SPMIP3: variants seen among roughly 807,000 people sequenced by gnomAD.
The protein encoded by SPMIP3 is sperm microtubule inner protein 3.
chr1:244,370,329 A>T, the SPMIP3 span, among the ~76,000 whole-genome samples: 7 of 152,236 alleles, frequency 4.6e-5, no homozygotes, highest in Admixed American at 2.6e-4. Context: ...ATGAGGGCAC[A>T]GGTCTGGAGG....
At chr1:244,376,911 C>T in the SPMIP3 span, among the ~76,000 whole-genome samples, 4 of 151,736 alleles carry the variant, frequency 2.6e-5, no homozygotes, top group Admixed American at 6.6e-5. Flanking sequence ...TTGGGTTCAG[C>T]GATTCTCCTG....
the SPMIP3 span, among the ~76,000 whole-genome samples, chr1:244,386,145 T>A: frequency 2.6e-5 from 4 of 152,126 alleles, no homozygotes; most frequent in Admixed American, 2.6e-4. Context: ...ACCACTGCAC[T>A]CCAGCCTGGG....
chr1:244,364,866 G>A, the SPMIP3 span: 1 of 1,130,388 alleles, frequency 8.8e-7, no homozygotes, highest in East Asian at 2.4e-5. Context: ...CTACTGCCAG[G>A]GAGTTCTAGG....
the SPMIP3 span, among the ~76,000 whole-genome samples, chr1:244,359,248 T>C: frequency 6.6e-6 from 1 of 151,818 alleles, no homozygotes; most frequent in Non-Finnish European, 1.5e-5. Context: ...TGTAGGAGCA[T>C]AGACTTGGAC....
the SPMIP3 span, among the ~76,000 whole-genome samples, chr1:244,357,783 G>A: frequency 2.9e-4 from 43 of 150,780 alleles, no homozygotes; most frequent in African/African-American, 9.0e-4. Context: ...GAGAAACAAC[G>A]AATATAAAAT....
chr1:244,389,276 C>T, the SPMIP3 span: 2 of 404,934 alleles, frequency 4.9e-6, no homozygotes, highest in African/African-American at 4.1e-5. Context: ...TGAATTTAAG[C>T]CCCACTCCCA....
the SPMIP3 span, among the ~76,000 whole-genome samples, chr1:244,357,234 C>G: frequency 4.6e-5 from 3 of 64,580 alleles, no homozygotes; most frequent in Non-Finnish European, 1.3e-4. Flanking sequence ...GAGATTGAAA[C>G]AAATATAAAC....
At chr1:244,366,911 T>C in the SPMIP3 span, among the ~76,000 whole-genome samples, 2 of 151,400 alleles carry the variant, frequency 1.3e-5, no homozygotes, top group African/African-American at 2.4e-5. Flanking sequence ...ACTAAACAGA[T>C]AGAATAATTG....
the SPMIP3 span, among the ~76,000 whole-genome samples, chr1:244,383,029 TA>T: frequency 1.3e-5 from 2 of 152,024 alleles, no homozygotes; most frequent in Admixed American, 1.3e-4. Context: ...TAAAGAGGAA[TA>T]AATGGATTCC....
chr1:244,364,643 G>A, the SPMIP3 span: 43 of 1,489,838 alleles, frequency 2.9e-5, no homozygotes, highest in Non-Finnish European at 3.8e-5. Flanking sequence ...ATGGAATTAT[G>A]TATAAACTGG....
At chr1:244,372,486 C>T in the SPMIP3 span, among the ~76,000 whole-genome samples, 1 of 151,124 alleles carries the variant, frequency 6.6e-6, no homozygotes, top group Non-Finnish European at 1.5e-5. Context: ...CTCTGTCCCC[C>T]AGGCTGGAGT....
At chr1:244,357,723 A>C in the SPMIP3 span, among the ~76,000 whole-genome samples, 2 of 151,382 alleles carry the variant, frequency 1.3e-5, no homozygotes, top group Non-Finnish European at 2.9e-5. Flanking sequence ...AAAAAAAAAA[A>C]AAAGAATACT....
chr1:244,389,483 G>T, the SPMIP3 span: 30 of 157,288 alleles, frequency 1.9e-4, 1 homozygote, highest in Admixed American at 6.8e-4. Context: ...AGAAACCCAG[G>T]TGTAGCCTGA....
chr1:244,373,891 A>G, the SPMIP3 span, among the ~76,000 whole-genome samples: 1 of 152,146 alleles, frequency 6.6e-6, no homozygotes, highest in East Asian at 1.9e-4. Context: ...AGGTGGGCGG[A>G]TCACTTGAGG....
At chr1:244,376,514 T>C in the SPMIP3 span, 1 of 152,146 alleles carries the variant, frequency 6.6e-6, no homozygotes, top group Non-Finnish European at 1.5e-5. Context: ...TTAGAAAACA[T>C]TCACAGTCAA....
chr1:244,365,609 A>G, the SPMIP3 span, among the ~76,000 whole-genome samples: 1 of 152,164 alleles, frequency 6.6e-6, no homozygotes, highest in Non-Finnish European at 1.5e-5. Flanking sequence ...GGCTAATACA[A>G]GGGGTTAATC....
chr1:244,387,201 G>A, the SPMIP3 span, among the ~76,000 whole-genome samples: 1 of 152,088 alleles, frequency 6.6e-6, no homozygotes, highest in Non-Finnish European at 1.5e-5. Context: ...ACTTGGCTGA[G>A]GCAGGAGAAT....
the SPMIP3 span, among the ~76,000 whole-genome samples, chr1:244,363,670 C>A: frequency 1.3e-3 from 191 of 152,260 alleles, 5 homozygotes; most frequent in East Asian, 0.028. Flanking sequence ...AGTTCAAGAA[C>A]CTACTCCCAA....
the SPMIP3 span, chr1:244,364,807 G>C: frequency 8.9e-6 from 14 of 1,573,202 alleles, no homozygotes; most frequent in African/African-American, 1.3e-5. Context: ...AGGCAGCCAG[G>C]TGCCTGGGGA....
Sources: gnomAD v4.1 joint callset for allele counts (sites outside exome capture counted in the v4.1 genomes callset) on GRCh38, gnomAD v4.1.1 for gene constraint, MANE v1.5 for transcripts, NCBI Gene and HGNC (gene_info 2026-07-23, HGNC 2026-07-21) for gene names.